Variants in GALK2 observed in about 807,000 individuals in gnomAD.
The protein encoded by GALK2 is galactokinase 2.
Under a neutral mutation model 52.4 loss-of-function variants are expected in GALK2, and 36 were observed. That is an observed-to-expected ratio of 0.69 (90% CI 0.53 to 0.91). GALK2 has a LOEUF of 0.91. Among genes scored for constraint, GALK2 ranks in the 40% least tolerant of loss-of-function variants. The pLI is 0.00. For synonymous variants in GALK2, 176 were observed against 199.1 expected (o/e 0.88, Z 0.98); for missense variants, 579 against 559.1 (o/e 1.04, Z -0.36).
intron 3 of GALK2, among the ~76,000 whole-genome samples, chr15:49,337,233 C>T (rs147971003): frequency 1.4e-3 from 209 of 152,220 alleles, no homozygotes; most frequent in African/African-American, 3.0e-3. Context: ...CTGGGTTGAA[C>T]GGTAGTTCTG....
At chr15:49,314,432 T>G (rs1429166167) in intron 8 of GALK2, among the ~76,000 whole-genome samples, 1 of 152,216 alleles carries the variant, frequency 6.6e-6, no homozygotes, top group Non-Finnish European at 1.5e-5. Context: ...TAGCAAACTT[T>G]CCCCACTTTT....
chr15:49,212,080 T>A (rs902640434), intron 2 of GALK2, among the ~76,000 whole-genome samples: 20 of 152,102 alleles, frequency 1.3e-4, no homozygotes, highest in African/African-American at 4.8e-4. Context: ...TATTTGAATC[T>A]TCTTTATTTT....
Position 49,259,254 on chromosome 15 carries a change from TG to T in GALK2, c.504+19888del, listed in dbSNP as rs1309461478. On this transcript the variant is annotated intron_variant, in intron 5 of 9. Coordinates refer to ENST00000560031, the MANE Select transcript of GALK2 (RefSeq NM_002044.4). ...GCACAATGTGCAGGTTAGTTACATA[TG>T]TATACATGTGCCATGCTGTTGTGCT... Among the ~76,000 whole-genome samples, 82 of 151,856 alleles carry T rather than the reference TG, an allele frequency of 5.4e-4. 1 individual carries two copies. The highest frequency in any genetic ancestry group is 4.5e-3 in the Admixed American group (69 of 15,226).
chr15:49,215,288 T>A (rs977074987), intron 2 of GALK2, among the ~76,000 whole-genome samples: 1 of 152,244 alleles, frequency 6.6e-6, no homozygotes, highest in Non-Finnish European at 1.5e-5. Flanking sequence ...GAAAGTTTTC[T>A]ATCAGTATTT....
chr15:49,296,633 T>C (rs2034501708), intron 8 of GALK2, among the ~76,000 whole-genome samples: 1 of 151,764 alleles, frequency 6.6e-6, no homozygotes. Flanking sequence ...AGAGTTTCAC[T>C]CTGTAGCCTA....
intron 3 of GALK2, among the ~76,000 whole-genome samples, chr15:49,355,927 G>A (rs879693492): frequency 1.2e-4 from 18 of 151,700 alleles, no homozygotes; most frequent in Admixed American, 1.0e-3. Flanking sequence ...GAGAGTGGGG[G>A]CCAATATTCA....
rs542277533 is a variant in GALK2 at position 49,177,450 on chromosome 15, T to C, written c.53+7075T>C. ...ACAAGAGACATCATCACTTATAGTT[T>C]TCAAACATTATTGCACTTTAACTGT... On this transcript the variant is annotated intron_variant, in intron 1 of 9. Coordinates refer to ENST00000560031, the MANE Select transcript of GALK2 (RefSeq NM_002044.4). 2.0e-5 allele frequency among the ~76,000 whole-genome samples: 3 copies of C among 152,366 alleles called. No homozygotes were observed. The South Asian group carries it at 6.2e-4, about 32-fold the overall frequency.
chr15:49,247,639 A>C (rs1358936458), intron 5 of GALK2, among the ~76,000 whole-genome samples: 2 of 152,202 alleles, frequency 1.3e-5, no homozygotes, highest in Non-Finnish European at 2.9e-5. Flanking sequence ...GGACAGTTTC[A>C]AGTAATTGGT....
chr15:49,331,521 A>C lies in GALK2; in HGVS notation c.*3362A>C. On this transcript the variant is annotated 3_prime_UTR_variant, in exon 10 of 10. Coordinates refer to ENST00000560031, the MANE Select transcript of GALK2 (RefSeq NM_002044.4). ...TCAGTGATTATTAGTTTGTAATTCT[A>C]ACTGCATTTGGAGCTTTTCAGTTAC... The C allele has an allele frequency of 2.5e-6, 1 of 402,710 alleles. No individual in the cohort carries two copies. The highest frequency in any genetic ancestry group is 4.4e-6 in the Non-Finnish European group (1 of 225,860). The allele number at this position is 402,710 out of a possible 1,614,324, so 24.9% of individuals were successfully genotyped here.
At chr15:49,326,377 A>G (rs1292148967) in intron 9 of GALK2, among the ~76,000 whole-genome samples, 1 of 147,072 alleles carries the variant, frequency 6.8e-6, no homozygotes, top group Non-Finnish European at 1.5e-5. Flanking sequence ...TCTCTGCTTC[A>G]GCCTCCTGAG....
intron 3 of GALK2, among the ~76,000 whole-genome samples, chr15:49,350,892 A>T (rs185474480): frequency 6.0e-4 from 91 of 152,294 alleles, no homozygotes; most frequent in Admixed American, 7.2e-4. Context: ...TGATAGGCTC[A>T]TCCTAATCCA....
chr15:49,304,217 A>G (rs997270182), intron 8 of GALK2, among the ~76,000 whole-genome samples: 2 of 152,162 alleles, frequency 1.3e-5, no homozygotes, highest in Admixed American at 6.5e-5. Flanking sequence ...CACATAAGTA[A>G]GTGTTCTCTT....
intron 6 of GALK2, among the ~76,000 whole-genome samples, chr15:49,282,365 G>T (rs1373119407): frequency 1.3e-5 from 2 of 151,972 alleles, no homozygotes; most frequent in Non-Finnish European, 2.9e-5. Context: ...TTTCTTCATT[G>T]TTAAGATGAG....
chr15:49,232,004 C>T (rs1422028293), intron 3 of GALK2, among the ~76,000 whole-genome samples: 1 of 152,228 alleles, frequency 6.6e-6, no homozygotes, highest in East Asian at 1.9e-4. Context: ...CTCACAGCTC[C>T]ACTAGGTAGT....
chr15:49,188,634 C>A (rs1285919393), intron 1 of GALK2, among the ~76,000 whole-genome samples: 1 of 152,172 alleles, frequency 6.6e-6, no homozygotes, highest in East Asian at 1.9e-4. Context: ...AAGGTGCTTT[C>A]TTCTGTGGAT....
intron 1 of GALK2, among the ~76,000 whole-genome samples, chr15:49,192,210 G>A (rs1311548725): frequency 6.6e-6 from 1 of 151,886 alleles, no homozygotes; most frequent in African/African-American, 2.4e-5. Context: ...TTGAAATAAA[G>A]ATCTGGGCAT....
Position 49,329,563 on chromosome 15 carries a change from A to G in GALK2, c.*1404A>G. The G allele has an allele frequency of 2.0e-6, 2 of 984,836 alleles. No individual in the cohort carries two copies. The highest frequency in any genetic ancestry group is 2.4e-6 in the Non-Finnish European group (2 of 829,388). The allele number at this position is 984,836 out of a possible 1,614,324, so 61.0% of individuals were successfully genotyped here. A position where few individuals can be genotyped will look rare whatever the true frequency, so the allele number is the denominator to read the frequency against. The stretch of plus-strand genomic sequence containing the variant: ...TTAAAGGATAACAGTCATACATAGA[A>G]TACTAGGAAAGCCAATATTCTATTT... On this transcript the variant is annotated 3_prime_UTR_variant, in exon 10 of 10. Coordinates refer to ENST00000560031, the MANE Select transcript of GALK2 (RefSeq NM_002044.4).
intron 3 of GALK2, among the ~76,000 whole-genome samples, chr15:49,360,950 T>C (rs2044115476): frequency 2.0e-5 from 3 of 152,152 alleles, no homozygotes; most frequent in South Asian, 2.1e-4. Flanking sequence ...TCCTTACACA[T>C]AGACAATAAT....
chr15:49,246,996 C>G (rs1566975181), intron 5 of GALK2, among the ~76,000 whole-genome samples: 1 of 152,008 alleles, frequency 6.6e-6, no homozygotes, highest in African/African-American at 2.4e-5. Flanking sequence ...AAGAGCTATA[C>G]AAATAAATAT....
Sources: gnomAD v4.1 joint callset for allele counts (sites outside exome capture counted in the v4.1 genomes callset) on GRCh38, gnomAD v4.1.1 for gene constraint, MANE v1.5 for transcripts, NCBI Gene and HGNC (gene_info 2026-07-23, HGNC 2026-07-21) for gene names.